Variants in RTL4 observed in about 807,000 individuals in gnomAD.
RTL4 encodes retrotransposon Gag-like protein 4.
A neutral mutation model predicts 5.3 loss-of-function variants in RTL4; 4 were observed. The ratio of observed to expected loss-of-function variants is 0.75; its 90% CI spans 0.37 to 1.72. The LOEUF (loss-of-function observed/expected upper bound fraction) is 1.72, where lower values mean the gene tolerates loss of function less well. RTL4 is among the 40% of genes most tolerant of loss of function. The pLI, the probability that RTL4 is intolerant of heterozygous loss-of-function variation, is 0.04. For missense variants in RTL4, 260 were observed against 227.1 expected, an observed-to-expected ratio of 1.14 and a Z score of -0.93; for synonymous variants, 98 against 87.3, an observed-to-expected ratio of 1.12 and a Z score of -0.68.
chrX:112,110,557 T>C, the RTL4 span, among the ~76,000 whole-genome samples: 1 of 111,904 alleles, frequency 8.9e-6, no homozygotes, highest in Admixed American at 9.4e-5. Flanking sequence ...TGTTACACTG[T>C]TAACTTTTAG....
At chrX:112,415,835 G>A in the RTL4 span, among the ~76,000 whole-genome samples, 2 of 111,720 alleles carry the variant, frequency 1.8e-5, no homozygotes, top group Non-Finnish European at 3.8e-5. Flanking sequence ...GAAAATGACA[G>A]AACCAGGATT....
At chrX:112,346,310 C>T in the RTL4 span, among the ~76,000 whole-genome samples, 1 of 111,467 alleles carries the variant, frequency 9.0e-6, no homozygotes, top group Non-Finnish European at 1.9e-5. Context: ...AGCATTCCTT[C>T]TATGGCCCAG....
the RTL4 span, among the ~76,000 whole-genome samples, chrX:112,118,927 C>T: frequency 9.0e-6 from 1 of 110,871 alleles, no homozygotes; most frequent in African/African-American, 3.3e-5. Flanking sequence ...CTCTGTCACC[C>T]AGACTGGAGT....
the RTL4 span, among the ~76,000 whole-genome samples, chrX:112,364,654 G>A: frequency 1.8e-5 from 2 of 110,969 alleles, no homozygotes; most frequent in Non-Finnish European, 3.8e-5. Flanking sequence ...TGGCAACTCC[G>A]AGCAGCTATA....
the RTL4 span, among the ~76,000 whole-genome samples, chrX:112,252,296 TCTC>T: frequency 1.8e-5 from 2 of 112,013 alleles, no homozygotes; most frequent in Non-Finnish European, 3.8e-5. Context: ...CTAAAATCAA[TCTC>T]CTAACAAGTA....
chrX:112,355,428 T>C, the RTL4 span, among the ~76,000 whole-genome samples: 1 of 111,193 alleles, frequency 9.0e-6, no homozygotes, highest in Non-Finnish European at 1.9e-5. Context: ...ATATCATCAG[T>C]ATTTAGGACA....
exon 1 of RTL4, chrX:112,454,951 C>A: frequency 1.7e-6 from 2 of 1,210,956 alleles, no homozygotes; most frequent in Non-Finnish European, 2.2e-6. Flanking sequence ...CTCAGAGTTC[C>A]TCACTCAGGT....
At chrX:112,262,514 C>G in the RTL4 span, among the ~76,000 whole-genome samples, 13 of 111,846 alleles carry the variant, frequency 1.2e-4, no homozygotes, top group Non-Finnish European at 2.4e-4. Flanking sequence ...ACACCAGTTA[C>G]AATGGCGATT....
the RTL4 span, among the ~76,000 whole-genome samples, chrX:112,356,297 C>A: frequency 9.0e-6 from 1 of 111,247 alleles, no homozygotes; most frequent in Non-Finnish European, 1.9e-5. Flanking sequence ...TGCTACAGAC[C>A]AACCCACAGT....
chrX:112,218,319 C>T, the RTL4 span, among the ~76,000 whole-genome samples: 1 of 111,707 alleles, frequency 9.0e-6, no homozygotes, highest in Admixed American at 9.5e-5. Context: ...TGATGCTGGC[C>T]TCCATCAGGT....
At chrX:112,168,726 A>G in the RTL4 span, among the ~76,000 whole-genome samples, 1 of 112,161 alleles carries the variant, frequency 8.9e-6, no homozygotes, top group Non-Finnish European at 1.9e-5. Context: ...AGTTCCGGGA[A>G]TTGCCCATCC....
At chrX:112,455,492 G>A (rs1353851646) in exon 1 of RTL4, 1 of 1,211,184 alleles carries the variant, frequency 8.3e-7, no homozygotes, top group Non-Finnish European at 1.1e-6. Flanking sequence ...CCCAAGAAAG[G>A]GCCTATACAG....
At chrX:112,184,698 C>T in the RTL4 span, among the ~76,000 whole-genome samples, 1 of 111,957 alleles carries the variant, frequency 8.9e-6, no homozygotes, top group African/African-American at 3.3e-5. Context: ...AATGAAGAGA[C>T]CATCTCTTCA....
At chrX:112,338,207 A>T in the RTL4 span, among the ~76,000 whole-genome samples, 1 of 111,781 alleles carries the variant, frequency 8.9e-6, no homozygotes, top group East Asian at 2.8e-4. Context: ...AGAAAGCCCA[A>T]GTCCTTACTT....
At chrX:112,207,811 G>T in the RTL4 span, among the ~76,000 whole-genome samples, 1 of 110,542 alleles carries the variant, frequency 9.0e-6, no homozygotes, top group Non-Finnish European at 1.9e-5. Flanking sequence ...GAATCCTGGG[G>T]CTCTGAAGCA....
the RTL4 span, among the ~76,000 whole-genome samples, chrX:112,197,639 A>G: frequency 5.4e-5 from 6 of 111,619 alleles, no homozygotes; most frequent in Non-Finnish European, 1.1e-4. Context: ...CATTGACATT[A>G]CTGGCTTTTC....
chrX:112,291,367 T>TACACACACACACACACAC, the RTL4 span, among the ~76,000 whole-genome samples: 2 of 95,389 alleles, frequency 2.1e-5, no homozygotes, highest in Non-Finnish European at 4.2e-5. Context: ...TGTATGTTTG[T>TACACACACACACACACAC]ACACACACAC....
upstream of RTL4, among the ~76,000 whole-genome samples, chrX:112,453,032 C>CA (rs10680168): frequency 1.9e-3 from 184 of 95,979 alleles, no homozygotes; most frequent in Middle Eastern, 5.5e-3. Context: ...GACTCTGTCT[C>CA]AAAAAAAAAA....
the RTL4 span, among the ~76,000 whole-genome samples, chrX:112,084,409 A>G: frequency 9.1e-6 from 1 of 109,551 alleles, no homozygotes; most frequent in Non-Finnish European, 1.9e-5. Flanking sequence ...GTCTGGGGGG[A>G]AGGGAGTTGG....
Sources: gnomAD v4.1 joint callset for allele counts (sites outside exome capture counted in the v4.1 genomes callset) on GRCh38, gnomAD v4.1.1 for gene constraint, MANE v1.5 for transcripts, NCBI Gene and HGNC (gene_info 2026-07-23, HGNC 2026-07-21) for gene names.